Variants in LAMA5 observed in about 807,000 individuals in gnomAD.
LAMA5 encodes the protein laminin subunit alpha-5.
A neutral mutation model predicts 433.4 loss-of-function variants in LAMA5; 260 were observed. That is an observed-to-expected ratio of 0.60 (90% confidence interval 0.54 to 0.66). LAMA5 has a LOEUF of 0.66. Among genes scored for constraint, LAMA5 ranks in the 30% least tolerant of loss-of-function variants. The probability of loss-of-function intolerance (pLI) is 0.00; values close to 1 mark genes in which losing one functional copy is unlikely to be tolerated. For synonymous variants in LAMA5, 2,620 were observed against 2,226.6 expected (o/e 1.18, Z -4.97); for missense variants, 5,378 against 5,258.5 (o/e 1.02, Z -0.70).
chr20:62,346,234 CG>C lies in LAMA5; in HGVS notation c.1283-20del, dbSNP rs1568965059. The C allele has an allele frequency of 6.2e-7, 1 of 1,606,184 alleles. No individual in the cohort carries two copies. The highest frequency in any genetic ancestry group is 1.7e-5 in the Admixed American group (1 of 58,982). On this transcript the variant is annotated intron_variant, in intron 9 of 79. Transcript: ENST00000252999. ...TTGCAGCCTGGGCAGGGGCAGGAGC[CG>C]GGTAAGCCTGGAGCTACCAGGACTC...
Position 62,315,086 on chromosome 20 carries a change from C to G in LAMA5, c.7989G>C (p.Gln2663His). The G allele has an allele frequency of 6.2e-7, 1 of 1,604,420 alleles. No individual in the cohort carries two copies. Among genetic ancestry groups the G allele is most frequent in the East Asian group, 2.2e-5 (1 of 44,860 alleles). Residue 2663 changes from glutamine (Q) to histidine (H), a missense_variant, in exon 59 of 80, where the codon CAG (glutamine) becomes CAC (histidine). By Grantham distance (24) the Gln-to-His change is conservative. Transcript: ENST00000252999. ...GGTCCTGGCCCCGCAGGCCCTCGTA[C>G]TGGCCCTGCCACCGCTCCACATTCT... ...MQENVERWQG[Q>H]YEGLRGQDLG...
intron 1 of LAMA5, among the ~76,000 whole-genome samples, chr20:62,366,463 G>A (rs915701724): frequency 1.3e-5 from 2 of 152,196 alleles, no homozygotes; most frequent in Non-Finnish European, 2.9e-5. Context: ...TACTTTGGAG[G>A]TCTCCTCGAG....
At chr20:62,361,048 AAAG>A (rs1045824646) in intron 2 of LAMA5, among the ~76,000 whole-genome samples, 4 of 151,916 alleles carry the variant, frequency 2.6e-5, no homozygotes, top group African/African-American at 9.7e-5. Context: ...CTAGTTTCTC[AAAG>A]GAGGAGAGGC....
In LAMA5 at chr20:62,310,568, G is replaced by C; in HGVS notation, c.10451C>G (p.Thr3484Ser). 6.5e-7 allele frequency: 1 copy of C among 1,549,040 alleles called. No homozygotes were observed. Among genetic ancestry groups the C allele is most frequent in the Non-Finnish European group, 8.7e-7 (1 of 1,153,058 alleles). The change falls in exon 76 of 80, where the codon ACC becomes AGC. Residue 3484 changes from threonine to serine, a missense_variant. Coordinates refer to ENST00000252999, the MANE Select transcript of LAMA5 (RefSeq NM_005560.6). ...CTTCACACAGCCGCTGAACCCGACG[G>C]TCACCTATAGGAGCAGACCGGGCAG... ...ASSHSSKLPV[T>S]VGFSGCVKRL...
rs1395595816 is a variant in LAMA5, at chr20:62,325,488, A to G, written c.5357T>C (p.Val1786Ala). 1.2e-6 allele frequency: 2 copies of G among 1,612,928 alleles called. No individual in the cohort carries two copies. The highest frequency in any genetic ancestry group is 1.1e-5 in the South Asian group (1 of 91,070). The change falls in exon 41 of 80, where the codon GTG becomes GCG. Residue 1786 changes from valine to alanine, a missense_variant. By Grantham distance (64) the Val-to-Ala change is moderately conservative. Transcript: ENST00000252999. The part of the protein sequence containing the change: ...NTVSREELMM[V>A]LASLEQLQIR... ...CTGCAGCTGCTCCAGGCTGGCCAGC[A>G]CCATCATGAGCTCCTCGCGGGACAC... is the stretch of plus-strand genomic sequence containing the variant.
rs1381280628 is a variant in LAMA5 at position 62,328,312 on chromosome 20, C to G, written c.4581G>C (p.Glu1527Asp). 1.1e-5 allele frequency: 18 copies of G among 1,605,992 alleles called. No homozygotes were observed. Among genetic ancestry groups the G allele is most frequent in the Non-Finnish European group, 1.4e-5 (16 of 1,177,062 alleles). ...GGATGCCGGGCCCTGAGCAGTTACA[C>G]TCCTCACAGCCGACCAGGGGGTGGC... ...FGCHPLVGCE[E>D]CNCSGPGIQE... is the part of the protein sequence containing the mutation. Residue 1527 changes from glutamate to aspartate, a missense_variant, in exon 35 of 80, where the codon GAG (glutamate) becomes GAC (aspartate). Physicochemically the swap from Glu to Asp is conservative, Grantham distance 45. Coordinates refer to ENST00000252999, the MANE Select transcript of LAMA5 (RefSeq NM_005560.6).
In LAMA5 at chr20:62,319,750, C is replaced by T. The variant is rs116765059; in HGVS notation, c.6805G>A (p.Glu2269Lys). 562 of 1,548,998 alleles carry T rather than the reference C, an allele frequency of 3.6e-4. 2 individuals carry two copies. The African/African-American group carries it at 6.5e-3, about 18-fold the overall frequency. The change falls in exon 51 of 80, where the codon GAG (glutamate) becomes AAG (lysine). Residue 2269 changes from glutamate to lysine, a missense_variant. Transcript: ENST00000252999. ...GTCTTCGCATGGCCCAGTGTGGCCT[C>T]GGTGCCGGCCAGCAATTGGCTCGCC... ...DQASQLLAGTEATLGHAKTLL... is the reference protein window; with the variant it reads ...DQASQLLAGTKATLGHAKTLL...
intron 2 of LAMA5, among the ~76,000 whole-genome samples, chr20:62,360,832 A>C (rs1912046206): frequency 6.6e-6 from 1 of 152,072 alleles, no homozygotes; most frequent in Admixed American, 6.5e-5. Flanking sequence ...TTCAGGCCTG[A>C]AGTTTCCAGC....
Position 62,310,861 on chromosome 20 carries a change from G to A in LAMA5, c.10282-32C>T, listed in dbSNP as rs770398591. On this transcript the variant is annotated intron_variant, in intron 74 of 79. Coordinates refer to ENST00000252999, the MANE Select transcript of LAMA5 (RefSeq NM_005560.6). Reference sequence around the variant, plus strand: ...GCAGGAGATGGGTCAGGGTAGGGCTGCCAGGCCCTGCCCACCACCTTCCTT... The same window carrying A: ...GCAGGAGATGGGTCAGGGTAGGGCTACCAGGCCCTGCCCACCACCTTCCTT... The A allele has an allele frequency of 3.8e-6, 6 of 1,599,218 alleles. No homozygotes were observed. In the African/African-American group the frequency reaches 4.0e-5, roughly 11 times the overall value.
intron 79 of LAMA5, 70 bp downstream of exon 79, chr20:62,309,646 A>AGGGGGTGGGGGGGGG (rs1267405426): frequency 9.2e-4 from 250 of 272,098 alleles, no homozygotes; most frequent in Non-Finnish European, 1.2e-3. Flanking sequence ...GGGTGGGGGG[A>AGGGGGTGGGGGGGGG]GGGTGGTAGG....
intron 3 of LAMA5, among the ~76,000 whole-genome samples, chr20:62,352,571 C>T (rs575030578): frequency 1.0e-3 from 154 of 152,148 alleles, no homozygotes; most frequent in African/African-American, 3.6e-3. Flanking sequence ...GCTTTGAGTG[C>T]GAGTGACCCC....
Position 62,310,716 on chromosome 20 carries a change from G to A in LAMA5, c.10395C>T (p.His3465=). ...QHQGAEHPQP[H]TLFVGGLPAS... is the part of the protein sequence containing the mutation. ...CCGGGAGGCCGCCCACAAAGAGGGT[G>A]TGGGGCTGGGGGTGCTCTGCCCCCT... is the stretch of plus-strand genomic sequence containing the variant. The change falls in exon 75 of 80, where the codon CAC becomes CAT. Residue 3465 remains histidine (H), a synonymous_variant. Transcript: ENST00000252999. The A allele has an allele frequency of 6.3e-7, 1 of 1,598,840 alleles. No individual in the cohort carries two copies. The highest frequency in any genetic ancestry group is 1.1e-5 in the South Asian group (1 of 89,282).
intron 2 of LAMA5, 83 bp downstream of exon 2, chr20:62,362,317 C>T: frequency 7.6e-7 from 1 of 1,312,402 alleles, no homozygotes; most frequent in African/African-American, 1.5e-5. Context: ...GGAGACCTCG[C>T]CTTCTGGTCC....
In LAMA5 at chr20:62,359,534, G is replaced by C. The variant is rs1251492675; in HGVS notation, c.450+2866C>G. Among the ~76,000 whole-genome samples the C allele has an allele frequency of 1.3e-5, 2 of 152,092 alleles. No homozygotes were observed. The highest frequency in any genetic ancestry group is 2.9e-5 in the Non-Finnish European group (2 of 67,980). On this transcript the variant is annotated intron_variant, in intron 2 of 79. Transcript: ENST00000252999. The surrounding 1 kb of genome is among the most constrained non-coding windows in gnomAD (Gnocchi z 4.3). ...TCTCGGAAGAAGGAGCCTGAGGCCA[G>C]TGATGTGGCCGCTCAGTTCCAGAAG... is the stretch of plus-strand genomic sequence containing the variant.
rs1413112049 is a variant in LAMA5, at chr20:62,327,837, G to A, written c.4797+29C>T. The stretch of plus-strand genomic sequence containing the variant: ...TTCAGCTGATGAGGCCGGAGGGAGA[G>A]GCCAGATCTGGGCCCAGCCCTCACT... On this transcript the variant is annotated intron_variant, in intron 36 of 79. Transcript: ENST00000252999. The A allele has an allele frequency of 1.6e-5, 25 of 1,590,678 alleles. No homozygotes were observed. The South Asian group carries it at 2.6e-4, about 17-fold the overall frequency.
chr20:62,349,864 G>T, intron 6 of LAMA5, among the ~76,000 whole-genome samples: 1 of 144,242 alleles, frequency 6.9e-6, no homozygotes, highest in Non-Finnish European at 1.5e-5. Context: ...CTGGTAGTGG[G>T]GGTGATGGTT....
intron 2 of LAMA5, chr20:62,355,241 A>C (rs1289548637): frequency 6.6e-6 from 1 of 151,980 alleles, no homozygotes; most frequent in Admixed American, 6.6e-5. Flanking sequence ...GCCAGTGCCC[A>C]CTCCTCCGGA....
chr20:62,313,524 G>C (rs747501899), intron 63 of LAMA5, 64 bp from the exon 64 acceptor site: 29 of 1,558,768 alleles, frequency 1.9e-5, no homozygotes, highest in Non-Finnish European at 2.5e-5. Flanking sequence ...GATGGACCAA[G>C]GGGACTTCAG....
At chr20:62,358,408 G>T (rs970639927) in intron 2 of LAMA5, among the ~76,000 whole-genome samples, 3 of 152,194 alleles carry the variant, frequency 2.0e-5, no homozygotes, top group Admixed American at 2.0e-4. Flanking sequence ...TCTGTAACTA[G>T]AGCCTGGCCG....
Sources: allele counts gnomAD v4.1 joint callset (sites outside exome capture counted in the v4.1 genomes callset), GRCh38; gene constraint gnomAD v4.1.1; non-coding constraint Gnocchi (gnomAD v3.1); transcripts MANE v1.5; gene names NCBI Gene and HGNC (gene_info 2026-07-23, HGNC 2026-07-21).